The following CRISP3 variants were observed in gnomAD, a reference collection of about 807,000 sequenced individuals.
CRISP3 encodes cysteine rich secretory protein 3, also known as cysteine-rich secretory protein 3.
In CRISP3, 33 loss-of-function variants were observed where a neutral mutation model predicts 36.1. The observed-to-expected ratio is 0.91, with a 90% CI of 0.69 to 1.22. CRISP3 has a LOEUF of 1.22. Among genes scored for constraint, CRISP3 ranks in the 50% most tolerant of loss-of-function variants. The probability of loss-of-function intolerance (pLI) is 0.00; values close to 1 mark genes in which losing one functional copy is unlikely to be tolerated. For synonymous variants in CRISP3, 117 were observed against 104.6 expected (o/e 1.12, Z -0.72); for missense variants, 330 against 301.2 (o/e 1.10, Z -0.71).
chr6:49,733,656 T>A (rs1768969130), intron 5 of CRISP3, 47 bp downstream of exon 5: 4 of 1,542,268 alleles, frequency 2.6e-6, no homozygotes, highest in Non-Finnish European at 3.5e-6. Context: ...AATCCTTTTT[T>A]TTTAGGGCAC....
chr6:49,741,332 G>C (rs970049867), intron 1 of CRISP3, among the ~76,000 whole-genome samples: 2 of 151,924 alleles, frequency 1.3e-5, no homozygotes, highest in African/African-American at 4.8e-5. Flanking sequence ...AATGTAATCT[G>C]AGGAGTGGAT....
chr6:49,744,247 C>A, intron 1 of CRISP3, 84 bp downstream of exon 1: 3 of 940,744 alleles, frequency 3.2e-6, no homozygotes, highest in African/African-American at 1.7e-5. Flanking sequence ...ACGAATATAT[C>A]ACTTTATCAT....
At position 49,744,376 on chromosome 6, in the gene CRISP3, A is replaced by G. The variant is rs1561911982; in HGVS notation, c.-9T>C. The stretch of plus-strand genomic sequence containing the variant: ...TGAAGTATTTGTTTCATCTATTGAC[A>G]GAAGGAAGGTGCAGAGAGAGAAGGT... On this transcript the variant is annotated 5_prime_UTR_variant, in exon 1 of 8. Coordinates refer to ENST00000263045, the MANE Select transcript of CRISP3 (RefSeq NM_006061.4). 2.0e-6 allele frequency: 3 copies of G among 1,533,156 alleles called. No homozygotes were observed. Among genetic ancestry groups the G allele is most frequent in the Admixed American group, 2.0e-5 (1 of 50,750 alleles). The allele number at this position is 1,533,156 out of a possible 1,614,324, so 95.0% of individuals were successfully genotyped here.
chr6:49,740,227 A>T, intron 1 of CRISP3, among the ~76,000 whole-genome samples: 1 of 152,186 alleles, frequency 6.6e-6, no homozygotes, highest in East Asian at 1.9e-4. Flanking sequence ...AAATGACCTG[A>T]TATCACTGCA....
At chr6:49,735,708 C>T (rs1561908652) in intron 3 of CRISP3, 117 bp from the exon 4 acceptor site, 1 of 650,774 alleles carries the variant, frequency 1.5e-6, no homozygotes, top group East Asian at 2.8e-5. Flanking sequence ...GTACAAGCAT[C>T]TTCTGATTTT....
At chr6:49,741,681 G>A (rs1769207035) in intron 1 of CRISP3, among the ~76,000 whole-genome samples, 1 of 138,048 alleles carries the variant, frequency 7.2e-6, no homozygotes. Context: ...AGCATATACT[G>A]CAAATCTATA....
At chr6:49,735,226 C>A (rs1399367847) in intron 4 of CRISP3, among the ~76,000 whole-genome samples, 2 of 152,014 alleles carry the variant, frequency 1.3e-5, no homozygotes, top group Non-Finnish European at 2.9e-5. Flanking sequence ...TTTCTAATCT[C>A]TGTAATTGGG....
At chr6:49,730,787 T>G (rs570409689) in intron 7 of CRISP3, among the ~76,000 whole-genome samples, 183 of 152,268 alleles carry the variant, frequency 1.2e-3, no homozygotes, top group African/African-American at 4.3e-3. Flanking sequence ...ACACCTGTAA[T>G]CCCAGCACTT....
intron 6 of CRISP3, among the ~76,000 whole-genome samples, 194 bp from the exon 7 acceptor site, chr6:49,731,445 C>T (rs984610253): frequency 7.9e-5 from 12 of 152,238 alleles, no homozygotes; most frequent in African/African-American, 2.6e-4. Context: ...CATTCATTCA[C>T]TTTCCTGACC....
intron 2 of CRISP3, 105 bp downstream of exon 2, chr6:49,737,220 T>C (rs775673756): frequency 1.5e-4 from 121 of 813,732 alleles, no homozygotes; most frequent in Non-Finnish European, 2.2e-4. Context: ...TACTTTATGA[T>C]GTACCAGACA....
chr6:49,735,227 T>C (rs1240008848), intron 4 of CRISP3, among the ~76,000 whole-genome samples: 2 of 152,154 alleles, frequency 1.3e-5, no homozygotes, highest in African/African-American at 4.8e-5. Flanking sequence ...TTCTAATCTC[T>C]GTAATTGGGA....
At chr6:49,741,184 C>G (rs144427958) in intron 1 of CRISP3, among the ~76,000 whole-genome samples, 1 of 150,108 alleles carries the variant, frequency 6.7e-6, no homozygotes, top group African/African-American at 2.4e-5. Flanking sequence ...AAAGTACCAT[C>G]CTGTGTGAAG....
chr6:49,735,376 T>G, intron 4 of CRISP3, 128 bp downstream of exon 4: 5 of 661,042 alleles, frequency 7.6e-6, no homozygotes, highest in Non-Finnish European at 1.3e-5. Flanking sequence ...TACATGTAGA[T>G]AGTCCATATT....
Position 49,731,167 on chromosome 6 carries a change from T to C in CRISP3, c.645A>G (p.Leu215=), listed in dbSNP as rs779730677. ...AGTTAATCACTTCAAACTTACTGCATAGTCCATCGTCACAGTTATCTGGGC... is the reference window on the plus strand; with the variant it reads ...AGTTAATCACTTCAAACTTACTGCACAGTCCATCGTCACAGTTATCTGGGC... ...ASCPDNCDDG[L]CTNGCKYEDL... is the part of the protein sequence containing the mutation. Residue 215 remains leucine (L), a synonymous_variant, in exon 7 of 8, where the codon CTA becomes CTG. Coordinates refer to ENST00000263045, the MANE Select transcript of CRISP3 (RefSeq NM_006061.4). 3 of 1,597,688 alleles carry C rather than the reference T, an allele frequency of 1.9e-6. No homozygotes were observed. Among genetic ancestry groups the C allele is most frequent in the Non-Finnish European group, 2.6e-6 (3 of 1,168,332 alleles).
chr6:49,736,558 C>T, intron 2 of CRISP3, 51 bp from the exon 3 acceptor site: 1 of 1,278,098 alleles, frequency 7.8e-7, no homozygotes, highest in African/African-American at 1.5e-5. Flanking sequence ...GGAAATTGCA[C>T]ATAATAGTAA....
chr6:49,733,300 C>G lies in CRISP3; in HGVS notation c.463-8G>C. ...TGAAGAGTACCAAACAACCTATAAA[C>G]CAATAAGTGAAGATATGAGAGCACA... On this transcript the variant is annotated splice_region_variant and splice_polypyrimidine_tract_variant and intron_variant, in intron 5 of 7. Coordinates refer to ENST00000263045, the MANE Select transcript of CRISP3 (RefSeq NM_006061.4). The G allele has an allele frequency of 6.4e-7, 1 of 1,564,360 alleles. No homozygotes were observed. Among genetic ancestry groups the G allele is most frequent in the South Asian group, 1.2e-5 (1 of 86,460 alleles).
chr6:49,734,261 G>A (rs998453590), intron 4 of CRISP3, among the ~76,000 whole-genome samples: 2 of 152,152 alleles, frequency 1.3e-5, no homozygotes, highest in Non-Finnish European at 2.9e-5. Flanking sequence ...ATACTCACCA[G>A]AGATTTTCAT....
intron 3 of CRISP3, 90 bp from the exon 4 acceptor site, chr6:49,735,681 A>T: frequency 4.6e-6 from 4 of 871,706 alleles, no homozygotes; most frequent in Non-Finnish European, 5.3e-6. Flanking sequence ...GTTGATTTAC[A>T]TCATCATAAA....
At chr6:49,729,417 A>AGATGTAAATGTAT (rs1335314661) in intron 7 of CRISP3, among the ~76,000 whole-genome samples, 1 of 152,106 alleles carries the variant, frequency 6.6e-6, no homozygotes, top group Non-Finnish European at 1.5e-5. Flanking sequence ...TATTATAGGA[A>AGATGTAAATGTAT]GATGTAAATG....
Sources: gnomAD v4.1 joint callset for allele counts (sites outside exome capture counted in the v4.1 genomes callset) on GRCh38, gnomAD v4.1.1 for gene constraint, MANE v1.5 for transcripts, NCBI Gene and HGNC (gene_info 2026-07-23, HGNC 2026-07-21) for gene names.